PARP6: variants seen among roughly 807,000 people sequenced by gnomAD.
PARP6 encodes the protein protein mono-ADP-ribosyltransferase PARP6.
A neutral mutation model predicts 92.0 loss-of-function variants in PARP6; 27 were observed. The ratio of observed to expected loss-of-function variants is 0.29; its 90% CI spans 0.22 to 0.40. The LOEUF (loss-of-function observed/expected upper bound fraction) is 0.40, where lower values mean the gene tolerates loss of function less well. Ranked by LOEUF, PARP6 falls within the 10% of genes least tolerant of loss-of-function variation. PARP6 has a pLI of 1.00. For missense variants in PARP6, 501 were observed against 784.5 expected, an observed-to-expected ratio of 0.64 and a Z score of 4.32; for synonymous variants, 272 against 281.2, an observed-to-expected ratio of 0.97 and a Z score of 0.33.
Position 72,251,792 on chromosome 15 carries a change from T to C in PARP6, c.1260-537A>G, listed in dbSNP as rs185723020. Among the ~76,000 whole-genome samples the C allele has an allele frequency of 7.9e-5, 12 of 152,308 alleles. No homozygotes were observed. The East Asian group carries it at 1.3e-3, about 17-fold the overall frequency. ...AGAAACAGAAGAAACTAGAATGAAC[T>C]TCCTTAGGAGTCAAGGACAGACTAA... On this transcript the variant is annotated intron_variant, in intron 16 of 23. Transcript: ENST00000569795.
In PARP6 at chr15:72,256,593, T is replaced by C. The variant is rs776820656; in HGVS notation, c.1000-3A>G. 8.5e-6 allele frequency: 13 copies of C among 1,535,352 alleles called. 1 individual carries two copies. In the South Asian group the frequency reaches 1.4e-4, roughly 16 times the overall value. ...ATGGCCACCAGCAGATCCACCACCT[T>C]AGGGGAAAGGAAAAAAAACAGGGCA... On this transcript the variant is annotated splice_polypyrimidine_tract_variant and splice_region_variant and intron_variant, in intron 13 of 23. Coordinates refer to ENST00000569795, the MANE Select transcript of PARP6 (RefSeq NM_001323532.2).
At chr15:72,265,564 C>A in intron 5 of PARP6, 91 bp from the exon 6 acceptor site, 1 of 1,008,670 alleles carries the variant, frequency 9.9e-7, no homozygotes, top group Admixed American at 1.7e-5. Context: ...AGCCTGGGGA[C>A]AGGGGAAAGG....
At chr15:72,254,652 T>C in intron 14 of PARP6, 132 bp from the exon 15 acceptor site, 1 of 661,332 alleles carries the variant, frequency 1.5e-6, no homozygotes, top group Non-Finnish European at 2.7e-6. Flanking sequence ...GGAAAGAGCA[T>C]TAATGTCAGA....
chr15:72,252,485 A>G (rs2084496986), intron 16 of PARP6, among the ~76,000 whole-genome samples: 4 of 151,644 alleles, frequency 2.6e-5, no homozygotes, highest in Admixed American at 1.3e-4. Context: ...TACACAATAC[A>G]TGTAATTTTT....
chr15:72,246,184 C>G (rs1215720163), intron 20 of PARP6, among the ~76,000 whole-genome samples: 1 of 152,246 alleles, frequency 6.6e-6, no homozygotes, highest in African/African-American at 2.4e-5. Flanking sequence ...GAGTCTCACT[C>G]TGTTGCCCAG....
At chr15:72,257,025 G>A (rs1567203297) in intron 13 of PARP6, among the ~76,000 whole-genome samples, 1 of 152,092 alleles carries the variant, frequency 6.6e-6, no homozygotes, top group South Asian at 2.1e-4. Flanking sequence ...TTACAGGTGT[G>A]AGCCACTGTG....
At chr15:72,244,938 AAGGAGGAG>A (rs1319195823) in intron 20 of PARP6, 7 of 155,410 alleles carry the variant, frequency 4.5e-5, no homozygotes, top group Non-Finnish European at 7.1e-5. Flanking sequence ...GGTGGAAGGC[AAGGAGGAG>A]CAAGTCACAT....
chr15:72,252,928 C>T (rs938578341), intron 16 of PARP6, among the ~76,000 whole-genome samples: 5 of 152,076 alleles, frequency 3.3e-5, no homozygotes, highest in Non-Finnish European at 7.4e-5. Context: ...CAGCTGTAAT[C>T]CCAGCACTTT....
intron 3 of PARP6, 39 bp from the exon 4 acceptor site, chr15:72,266,861 C>T: frequency 6.8e-7 from 1 of 1,471,740 alleles, no homozygotes; most frequent in Non-Finnish European, 9.5e-7. Context: ...TTTGTTAGGT[C>T]CCTATTATCC....
chr15:72,244,776 A>G (rs2083412074), intron 20 of PARP6: 1 of 152,248 alleles, frequency 6.6e-6, no homozygotes. Context: ...GAGACCCGTC[A>G]TTCAAGCAAG....
intron 6 of PARP6, 64 bp downstream of exon 6, chr15:72,265,349 G>C (rs760833587): frequency 7.3e-7 from 1 of 1,374,372 alleles, no homozygotes; most frequent in South Asian, 1.2e-5. Context: ...AAGACTCCTG[G>C]CCTACATGAC....
intron 9 of PARP6, 44 bp from the exon 10 acceptor site, chr15:72,260,732 A>C: frequency 7.5e-6 from 11 of 1,471,192 alleles, no homozygotes; most frequent in Non-Finnish European, 1.0e-5. Context: ...TGGGGATTTC[A>C]TAGGATCCCT....
In PARP6 at chr15:72,265,566, G is replaced by A. The variant is rs539240749; in HGVS notation, c.177-93C>T. ...GGAAAGAGAACTGAGCCTGGGGACAGGGGAAAGGGAAGAGTGGATGACAGT... is the reference window on the plus strand; with the variant it reads ...GGAAAGAGAACTGAGCCTGGGGACAAGGGAAAGGGAAGAGTGGATGACAGT... On this transcript the variant is annotated intron_variant, in intron 5 of 23. Coordinates refer to ENST00000569795, the MANE Select transcript of PARP6 (RefSeq NM_001323532.2). The A allele has an allele frequency of 1.4e-5, 14 of 987,562 alleles. No individual in the cohort carries two copies. In the East Asian group the frequency reaches 3.3e-4, roughly 24 times the overall value. 61.2% of individuals were successfully genotyped at this position (987,562 alleles called of 1,614,324 possible).
chr15:72,256,651 G>A (rs1390490478), intron 13 of PARP6, 61 bp from the exon 14 acceptor site: 2 of 1,329,000 alleles, frequency 1.5e-6, no homozygotes, highest in Non-Finnish European at 2.0e-6. Context: ...CTGGGAGTCA[G>A]AGTACCCAGT....
At chr15:72,251,277 T>A in intron 16 of PARP6, 22 bp from the exon 17 acceptor site, 1 of 1,488,228 alleles carries the variant, frequency 6.7e-7, no homozygotes, top group Admixed American at 1.7e-5. Flanking sequence ...CAGAAAAAAA[T>A]AAAAAGGATA....
chr15:72,269,816 T>C (rs1259749128), intron 2 of PARP6, among the ~76,000 whole-genome samples: 1 of 149,564 alleles, frequency 6.7e-6, no homozygotes, highest in Non-Finnish European at 1.5e-5. Context: ...GGAGAATCAC[T>C]TGACCTACGG....
intron 7 of PARP6, among the ~76,000 whole-genome samples, chr15:72,264,835 G>A (rs1264780823): frequency 1.3e-5 from 2 of 152,152 alleles, no homozygotes; most frequent in African/African-American, 4.8e-5. Context: ...TTGAGAAAAG[G>A]AGGAGAAAGA....
chr15:72,249,259 G>A lies in PARP6; in HGVS notation c.1547C>T (p.Ser516Phe), dbSNP rs963364934. ...ATATTTCTTACCTGAGTATCCAAAGGAAATACTGGAGATGGGGCTCAGGTA... is the reference window on the plus strand; with the variant it reads ...ATATTTCTTACCTGAGTATCCAAAGAAAATACTGGAGATGGGGCTCAGGTA... Reference protein sequence around the residue: ...GIYLSPISSISFGYSGMGKGQ... With the variant: ...GIYLSPISSIFFGYSGMGKGQ... The change falls in exon 20 of 24, where the codon TCC becomes TTC. Residue 516 changes from serine (S) to phenylalanine (F), a missense_variant. This residue lies in a region of PARP6 where 191 missense variants were observed against 399.1 expected (regional missense o/e 0.48). Coordinates refer to ENST00000569795, the MANE Select transcript of PARP6 (RefSeq NM_001323532.2). The A allele has an allele frequency of 6.3e-7, 1 of 1,599,604 alleles. No individual in the cohort carries two copies. The highest frequency in any genetic ancestry group is 8.6e-7 in the Non-Finnish European group (1 of 1,168,230).
At chr15:72,266,133 AG>A in intron 4 of PARP6, 142 bp from the exon 5 acceptor site, 1 of 664,724 alleles carries the variant, frequency 1.5e-6, no homozygotes, top group Non-Finnish European at 2.7e-6. Flanking sequence ...ACTTATGTGA[AG>A]GGGTTCTCAG....
Sources: allele counts gnomAD v4.1 joint callset (sites outside exome capture counted in the v4.1 genomes callset), GRCh38; gene constraint gnomAD v4.1.1; regional missense constraint gnomAD v4.1.1; transcripts MANE v1.5; gene names NCBI Gene and HGNC (gene_info 2026-07-23, HGNC 2026-07-21).